The following MAGI2 variants were observed in gnomAD, a reference collection of about 807,000 sequenced individuals.
The protein encoded by MAGI2 is membrane-associated guanylate kinase, WW and PDZ domain-containing protein 2.
Under a neutral mutation model 133.3 loss-of-function variants are expected in MAGI2, and 35 were observed. The observed-to-expected ratio is 0.26, with a 90% CI of 0.20 to 0.35. MAGI2 has a LOEUF of 0.35. Among genes scored for constraint, MAGI2 ranks in the 10% least tolerant of loss-of-function variants. MAGI2 has a pLI of 1.00. For synonymous variants in MAGI2, 729 were observed against 710.6 expected (o/e 1.03, Z -0.41); for missense variants, 1,636 against 1,863.4 (o/e 0.88, Z 2.25).
chr7:79,239,211 GTAGT>G (rs1832182983), intron 1 of MAGI2, among the ~76,000 whole-genome samples: 1 of 152,064 alleles, frequency 6.6e-6, no homozygotes, highest in Admixed American at 6.5e-5. Context: ...GAGTCTACTA[GTAGT>G]TACTCTTTTT....
intron 6 of MAGI2, among the ~76,000 whole-genome samples, chr7:78,411,215 T>C (rs931677302): frequency 6.6e-6 from 1 of 151,984 alleles, no homozygotes; most frequent in Non-Finnish European, 1.5e-5. Flanking sequence ...AGTGATATTA[T>C]CTAGAATTTG....
intron 10 of MAGI2, among the ~76,000 whole-genome samples, chr7:78,223,355 A>G (rs1018161597): frequency 1.3e-5 from 2 of 152,198 alleles, no homozygotes; most frequent in Non-Finnish European, 2.9e-5. Context: ...TACTTGACCT[A>G]CAGGTTTGAA....
At chr7:79,138,998 AAG>A (rs1562932325) in intron 1 of MAGI2, among the ~76,000 whole-genome samples, 1 of 150,428 alleles carries the variant, frequency 6.6e-6, no homozygotes, top group African/African-American at 2.4e-5. Flanking sequence ...AAAAAAAAAA[AAG>A]AGTCAAAGAC....
chr7:79,278,260 G>A (rs1835381707), intron 1 of MAGI2, among the ~76,000 whole-genome samples: 1 of 152,134 alleles, frequency 6.6e-6, no homozygotes, highest in Non-Finnish European at 1.5e-5. Flanking sequence ...TTCACCTTCT[G>A]CCATTAGTAA....
At chr7:78,467,922 A>G (rs1014151939) in intron 6 of MAGI2, among the ~76,000 whole-genome samples, 5 of 152,324 alleles carry the variant, frequency 3.3e-5, no homozygotes, top group South Asian at 2.1e-4. Flanking sequence ...TGCAAAAAAC[A>G]TATCTCTAGA....
chr7:78,639,531 G>C lies in MAGI2; in HGVS notation c.419-12292C>G, dbSNP rs572974171. 2.6e-5 allele frequency among the ~76,000 whole-genome samples: 4 copies of C among 152,194 alleles called. No homozygotes were observed. The South Asian group carries it at 8.3e-4, about 32-fold the overall frequency. On this transcript the variant is annotated intron_variant, in intron 2 of 21. Transcript: ENST00000354212. ...TGCATCTGATTTATCTTATGTTCAC[G>C]ATACTAGCTATTATATTAGTTGATA...
At chr7:78,943,748 A>G (rs1457507178) in intron 2 of MAGI2, among the ~76,000 whole-genome samples, 1 of 152,134 alleles carries the variant, frequency 6.6e-6, no homozygotes, top group East Asian at 1.9e-4. Context: ...CGGTGGAGAT[A>G]ATTTCCTTTT....
At chr7:79,422,977 C>T (rs1291287127) in intron 1 of MAGI2, among the ~76,000 whole-genome samples, 5 of 151,862 alleles carry the variant, frequency 3.3e-5, no homozygotes, top group African/African-American at 7.3e-5. Flanking sequence ...TGGTGAAAAA[C>T]AAACTCATGA....
chr7:78,467,840 A>C (rs752063334), intron 6 of MAGI2, among the ~76,000 whole-genome samples: 19 of 152,166 alleles, frequency 1.2e-4, no homozygotes, highest in Non-Finnish European at 2.4e-4. Context: ...AAAACTGCAT[A>C]GCTATTTAAA....
intron 1 of MAGI2, among the ~76,000 whole-genome samples, chr7:79,294,808 C>A (rs1836795682): frequency 7.3e-6 from 1 of 137,924 alleles, no homozygotes; most frequent in African/African-American, 2.6e-5. Context: ...CGGCTCACTG[C>A]AAGCTCCGCC....
chr7:79,305,416 G>A (rs1837711391), intron 1 of MAGI2, among the ~76,000 whole-genome samples: 1 of 152,060 alleles, frequency 6.6e-6, no homozygotes, highest in Non-Finnish European at 1.5e-5. Context: ...ACTTGAAGTG[G>A]TATCTGACTA....
intron 2 of MAGI2, among the ~76,000 whole-genome samples, chr7:78,710,204 A>G (rs1163466424): frequency 1.3e-5 from 2 of 151,470 alleles, no homozygotes; most frequent in Non-Finnish European, 2.9e-5. Context: ...ACATTCTACT[A>G]AACAGGAAGC....
At chr7:78,381,572 C>A (rs1026688123) in intron 6 of MAGI2, among the ~76,000 whole-genome samples, 6 of 152,048 alleles carry the variant, frequency 3.9e-5, no homozygotes, top group African/African-American at 1.4e-4. Context: ...TAAAGAGCTA[C>A]TCTCCTTAAT....
At chr7:79,168,889 GATATATAT>G (rs1182056135) in intron 1 of MAGI2, among the ~76,000 whole-genome samples, 349 of 14,544 alleles carry the variant, frequency 0.024, 2 homozygotes, top group African/African-American at 0.048. Context: ...TCTAAAGATA[GATATATAT>G]ATATATATAT....
chr7:79,366,822 C>T (rs1585723037), intron 1 of MAGI2, among the ~76,000 whole-genome samples: 1 of 152,122 alleles, frequency 6.6e-6, no homozygotes, highest in Non-Finnish European at 1.5e-5. Context: ...AGAATTTTTT[C>T]ATAGGATATA....
At chr7:79,125,506 G>T (rs1261866490) in intron 1 of MAGI2, 6 of 513,566 alleles carry the variant, frequency 1.2e-5, no homozygotes, top group Admixed American at 9.0e-5. Flanking sequence ...CTATGGAAGT[G>T]GTGGACAGGG....
intron 1 of MAGI2, among the ~76,000 whole-genome samples, chr7:79,261,505 G>C (rs376273852): frequency 2.0e-5 from 3 of 152,192 alleles, no homozygotes; most frequent in African/African-American, 7.2e-5. Context: ...CAGGCCTCAT[G>C]TGAGGGCTTT....
At chr7:79,127,494 A>G (rs1820530435) in intron 1 of MAGI2, among the ~76,000 whole-genome samples, 1 of 151,996 alleles carries the variant, frequency 6.6e-6, no homozygotes, top group Admixed American at 6.6e-5. Context: ...TTGCCATTCT[A>G]ATTGGTGTGA....
intron 1 of MAGI2, among the ~76,000 whole-genome samples, chr7:79,151,696 C>T (rs1365856474): frequency 6.6e-6 from 1 of 152,088 alleles, no homozygotes; most frequent in East Asian, 1.9e-4. Context: ...TTCAGCAGAA[C>T]ATAACACAGG....
Sources: allele counts gnomAD v4.1 joint callset (sites outside exome capture counted in the v4.1 genomes callset), GRCh38; gene constraint gnomAD v4.1.1; transcripts MANE v1.5; gene names NCBI Gene and HGNC (gene_info 2026-07-23, HGNC 2026-07-21).